SGCZ: variants seen among roughly 807,000 people sequenced by gnomAD.
The protein encoded by SGCZ is zeta-sarcoglycan.
SGCZ carries 40 observed loss-of-function variants against 41.3 expected under a neutral mutation model. The observed-to-expected ratio is 0.97, with a 90% CI of 0.75 to 1.26. The LOEUF (loss-of-function observed/expected upper bound fraction) is 1.26, where lower values mean the gene tolerates loss of function less well. Among genes scored for constraint, SGCZ ranks in the 50% most tolerant of loss-of-function variants. The pLI is 0.00. For synonymous variants in SGCZ, 206 were observed against 137.5 expected, an observed-to-expected ratio of 1.50 and a Z score of -3.49; for missense variants, 552 against 369.8, an observed-to-expected ratio of 1.49 and a Z score of -4.04.
chr8:14,536,239 G>C (rs1803292874), intron 2 of SGCZ, among the ~76,000 whole-genome samples: 1 of 151,770 alleles, frequency 6.6e-6, no homozygotes, highest in South Asian at 2.1e-4. Context: ...ATATGGCATA[G>C]ATAAAAGAAA....
chr8:14,978,644 G>A (rs1030527405), intron 1 of SGCZ, among the ~76,000 whole-genome samples: 1 of 151,950 alleles, frequency 6.6e-6, no homozygotes, highest in Non-Finnish European at 1.5e-5. Context: ...CACTAGGCCT[G>A]AAACAAGTCT....
chr8:14,384,987 T>C (rs1395297302), intron 2 of SGCZ, among the ~76,000 whole-genome samples: 6 of 152,226 alleles, frequency 3.9e-5, no homozygotes, highest in Admixed American at 6.5e-5. Context: ...CTCCTGAATC[T>C]TGCTTGGGGA....
At chr8:15,084,696 GAGCCAAGATCATGCC>G (rs1177992068) in intron 1 of SGCZ, among the ~76,000 whole-genome samples, 1 of 152,108 alleles carries the variant, frequency 6.6e-6, no homozygotes, top group African/African-American at 2.4e-5. Flanking sequence ...AGGTTGCAGT[GAGCCAAGATCATGCC>G]ACTGCCCTCC....
At chr8:14,500,349 T>C (rs906254039) in intron 2 of SGCZ, among the ~76,000 whole-genome samples, 1 of 151,940 alleles carries the variant, frequency 6.6e-6, no homozygotes, top group African/African-American at 2.4e-5. Context: ...AGAAAGTATC[T>C]GAGAGCAGGA....
intron 1 of SGCZ, among the ~76,000 whole-genome samples, chr8:14,689,140 AT>A (rs1808717243): frequency 1.3e-5 from 2 of 152,128 alleles, no homozygotes; most frequent in African/African-American, 4.8e-5. Context: ...TTTAATACAA[AT>A]TTTCTGAAGA....
At chr8:14,933,361 C>T (rs1210766729) in intron 1 of SGCZ, among the ~76,000 whole-genome samples, 1 of 151,666 alleles carries the variant, frequency 6.6e-6, no homozygotes, top group Non-Finnish European at 1.5e-5. Context: ...TTGACATGAG[C>T]TCTCTGCAAA....
intron 1 of SGCZ, among the ~76,000 whole-genome samples, chr8:14,806,216 G>A (rs1021911376): frequency 6.6e-6 from 1 of 151,552 alleles, no homozygotes; most frequent in Non-Finnish European, 1.5e-5. Context: ...CAGAAGGCAA[G>A]AAATAACTAA....
At chr8:15,188,651 T>C (rs1015907221) in intron 1 of SGCZ, among the ~76,000 whole-genome samples, 3 of 152,216 alleles carry the variant, frequency 2.0e-5, no homozygotes, top group Non-Finnish European at 1.5e-5. Context: ...TCATTTGTAC[T>C]TAGCAGAATT....
intron 2 of SGCZ, among the ~76,000 whole-genome samples, chr8:14,484,689 A>G (rs1801625911): frequency 6.6e-6 from 1 of 152,200 alleles, no homozygotes; most frequent in African/African-American, 2.4e-5. Context: ...TATTTAAGCA[A>G]AAGAATTATT....
intron 5 of SGCZ, among the ~76,000 whole-genome samples, chr8:14,139,493 A>G (rs892316537): frequency 6.6e-6 from 1 of 152,218 alleles, no homozygotes. Flanking sequence ...GCAATAAAAA[A>G]TGATAAAGGG....
intron 1 of SGCZ, among the ~76,000 whole-genome samples, chr8:15,074,343 G>A (rs1352727706): frequency 6.6e-6 from 1 of 152,084 alleles, no homozygotes; most frequent in Non-Finnish European, 1.5e-5. Flanking sequence ...ACTGGCTGTC[G>A]TGCAGCTGGC....
intron 1 of SGCZ, among the ~76,000 whole-genome samples, chr8:14,717,852 T>A (rs2130167792): frequency 6.6e-6 from 1 of 152,144 alleles, no homozygotes; most frequent in Admixed American, 6.6e-5. Flanking sequence ...AGTAACTTCC[T>A]AAATTCTCCT....
chr8:14,656,639 C>T (rs544546615), intron 1 of SGCZ, among the ~76,000 whole-genome samples: 8 of 148,810 alleles, frequency 5.4e-5, no homozygotes, highest in Non-Finnish European at 8.9e-5. Context: ...CTCCCCTCTC[C>T]TTTCCTCTCC....
intron 1 of SGCZ, among the ~76,000 whole-genome samples, chr8:14,592,205 T>C (rs188166466): frequency 6.6e-6 from 1 of 152,268 alleles, no homozygotes; most frequent in African/African-American, 2.4e-5. Flanking sequence ...CTCCAGGCCT[T>C]AGATTCCTAG....
At chr8:14,941,486 T>C (rs1367966786) in intron 1 of SGCZ, among the ~76,000 whole-genome samples, 2 of 152,116 alleles carry the variant, frequency 1.3e-5, no homozygotes, top group Non-Finnish European at 2.9e-5. Flanking sequence ...TAGAGTAACA[T>C]GGATAGTATG....
intron 1 of SGCZ, among the ~76,000 whole-genome samples, chr8:14,669,273 C>T (rs557306508): frequency 1.9e-4 from 29 of 151,548 alleles, no homozygotes; most frequent in African/African-American, 6.5e-4. Flanking sequence ...GCAGGAGGAT[C>T]GCTTGAGTCC....
At chr8:14,441,400 C>T (rs1419404479) in intron 2 of SGCZ, among the ~76,000 whole-genome samples, 1 of 148,330 alleles carries the variant, frequency 6.7e-6, no homozygotes, top group Non-Finnish European at 1.5e-5. Context: ...CATGGTGAAA[C>T]CCCGTCTCTA....
At chr8:14,526,371 C>T (rs1016569015) in intron 2 of SGCZ, among the ~76,000 whole-genome samples, 6 of 152,038 alleles carry the variant, frequency 3.9e-5, no homozygotes, top group Non-Finnish European at 7.4e-5. Context: ...TGATGACAGC[C>T]GTCCCAAAGA....
chr8:14,947,228 A>G (rs559739149), intron 1 of SGCZ, among the ~76,000 whole-genome samples: 1 of 152,152 alleles, frequency 6.6e-6, no homozygotes, highest in Non-Finnish European at 1.5e-5. Context: ...ACAAAAGCGA[A>G]ATATCCCGGA....
Sources: gnomAD v4.1 joint callset for allele counts (sites outside exome capture counted in the v4.1 genomes callset) on GRCh38, gnomAD v4.1.1 for gene constraint, MANE v1.5 for transcripts, NCBI Gene and HGNC (gene_info 2026-07-23, HGNC 2026-07-21) for gene names.